The following ZNF678 variants were observed in gnomAD, a reference collection of about 807,000 sequenced individuals.
ZNF678 encodes hypothetical protein MGC42493.
Under a neutral mutation model 3.0 loss-of-function variants are expected in ZNF678, and 5 were observed. The ratio of observed to expected loss-of-function variants is 1.69; its 90% CI spans 0.88 to 3.56. The LOEUF (loss-of-function observed/expected upper bound fraction) is 3.56, where lower values mean the gene tolerates loss of function less well. Ranked by LOEUF, ZNF678 falls within the 30% of genes most tolerant of loss-of-function variation. The pLI is 0.00. For synonymous variants in ZNF678, 218 were observed against 199.6 expected (o/e 1.09, Z -0.78); for missense variants, 593 against 605.0 (o/e 0.98, Z 0.21).
At chr1:227,581,245 C>T (rs1311006424) in intron 1 of ZNF678, among the ~76,000 whole-genome samples, 1 of 151,576 alleles carries the variant, frequency 6.6e-6, no homozygotes, top group African/African-American at 2.4e-5. Context: ...TATAAATATA[C>T]ATAAGTTATA....
At chr1:227,633,339 A>G (rs1459364263) in intron 1 of ZNF678, among the ~76,000 whole-genome samples, 1 of 152,170 alleles carries the variant, frequency 6.6e-6, no homozygotes, top group Non-Finnish European at 1.5e-5. Context: ...TATCGCAATC[A>G]TTGTCCCTCT....
At chr1:227,635,201 A>C (rs1490871548) in intron 1 of ZNF678, among the ~76,000 whole-genome samples, 1 of 152,210 alleles carries the variant, frequency 6.6e-6, no homozygotes, top group African/African-American at 2.4e-5. Flanking sequence ...TTTCTTTGAA[A>C]TGTATGCACA....
At chr1:227,614,001 T>C (rs1008512823) in intron 1 of ZNF678, among the ~76,000 whole-genome samples, 3 of 152,210 alleles carry the variant, frequency 2.0e-5, no homozygotes, top group Admixed American at 2.0e-4. Flanking sequence ...GCTCCTGCTA[T>C]TGCTATCAGA....
intron 1 of ZNF678, among the ~76,000 whole-genome samples, chr1:227,632,559 A>G (rs1658573441): frequency 6.6e-6 from 1 of 152,044 alleles, no homozygotes; most frequent in African/African-American, 2.4e-5. Context: ...AATATTGTGA[A>G]AGTGGAAGCT....
chr1:227,574,302 A>T (rs10916168), intron 1 of ZNF678, among the ~76,000 whole-genome samples: 2 of 152,356 alleles, frequency 1.3e-5, no homozygotes, highest in African/African-American at 4.8e-5. Flanking sequence ...GTGTATAAGG[A>T]TCTTTTTCTC....
In ZNF678 at chr1:227,662,377, G is replaced by T. The variant is rs147189614; in HGVS notation, c.*6549G>T. 23 of 152,300 alleles carry T rather than the reference G, an allele frequency of 1.5e-4. No individual in the cohort carries two copies. In the East Asian group the frequency reaches 3.9e-3, roughly 26 times the overall value. The allele number at this position is 152,300 out of a possible 1,614,324, so 9.4% of individuals were successfully genotyped here. On this transcript the variant is annotated 3_prime_UTR_variant, in exon 4 of 4. Coordinates refer to ENST00000343776, the MANE Select transcript of ZNF678 (RefSeq NM_001367909.1). ...CTGTTTGCTGTCATGTGGAAGAAAA[G>T]AGCCTTGGAGAAGTTTTATTTTTTT...
At chr1:227,678,592 T>C (rs1191678101), downstream of ZNF678, among the ~76,000 whole-genome samples, 3 of 152,198 alleles carry the variant, frequency 2.0e-5, no homozygotes, top group Non-Finnish European at 4.4e-5. Flanking sequence ...TCTGGTGGTA[T>C]TGTGGGAAAT....
chr1:227,596,493 A>T (rs1268507490), intron 1 of ZNF678, among the ~76,000 whole-genome samples: 1 of 152,218 alleles, frequency 6.6e-6, no homozygotes, highest in Non-Finnish European at 1.5e-5. Context: ...TATAGATAAC[A>T]TAACCAGTTG....
chr1:227,630,860 CT>C (rs899937331), intron 1 of ZNF678, among the ~76,000 whole-genome samples: 5 of 152,258 alleles, frequency 3.3e-5, no homozygotes, highest in African/African-American at 1.2e-4. Context: ...ATAAATTACA[CT>C]TTTTACATAA....
chr1:227,586,527 C>T (rs180769383), intron 1 of ZNF678, among the ~76,000 whole-genome samples: 7 of 152,216 alleles, frequency 4.6e-5, no homozygotes, highest in Non-Finnish European at 8.8e-5. Context: ...AGGGCTTTAA[C>T]GGAGCACTTG....
intron 1 of ZNF678, among the ~76,000 whole-genome samples, chr1:227,596,140 T>C (rs1482395788): frequency 1.3e-5 from 2 of 152,170 alleles, no homozygotes; most frequent in African/African-American, 4.8e-5. Context: ...GGGAGCACTC[T>C]CAGGATCTGC....
chr1:227,645,366 T>G (rs1658928618), intron 1 of ZNF678, among the ~76,000 whole-genome samples: 1 of 152,216 alleles, frequency 6.6e-6, no homozygotes, highest in African/African-American at 2.4e-5. Context: ...TCTCCAGAAA[T>G]GTCATGTGTT....
chr1:227,661,443 G>A lies in ZNF678; in HGVS notation c.*5615G>A, dbSNP rs575478630. 1 of 152,182 alleles carries A rather than the reference G, an allele frequency of 6.6e-6. No individual in the cohort carries two copies. Among genetic ancestry groups the A allele is most frequent in the East Asian group, 1.9e-4 (1 of 5,176 alleles). The allele number at this position is 152,182 out of a possible 1,614,324, so 9.4% of individuals were successfully genotyped here. ...TTTGATATGCTTTTCCCAACAATAA[G>A]GGACATGAGTCATTGGGGCATGTTA... On this transcript the variant is annotated 3_prime_UTR_variant, in exon 4 of 4. Coordinates refer to ENST00000343776, the MANE Select transcript of ZNF678 (RefSeq NM_001367909.1).
intron 1 of ZNF678, among the ~76,000 whole-genome samples, chr1:227,622,330 C>G (rs1658301290): frequency 6.6e-6 from 1 of 152,314 alleles, no homozygotes; most frequent in Non-Finnish European, 1.5e-5. Context: ...TTTGTCAGCA[C>G]CCACATATTC....
At chr1:227,574,489 A>G (rs1019192613) in intron 1 of ZNF678, among the ~76,000 whole-genome samples, 2 of 151,456 alleles carry the variant, frequency 1.3e-5, no homozygotes, top group African/African-American at 2.4e-5. Context: ...GCGTCTGTTC[A>G]TTTCCTTTGC....
chr1:227,626,774 C>T (rs560162554), intron 1 of ZNF678, among the ~76,000 whole-genome samples: 59 of 152,086 alleles, frequency 3.9e-4, no homozygotes, highest in Non-Finnish European at 6.9e-4. Context: ...TTGTGGCCTC[C>T]GGGCTCAGTG....
intron 1 of ZNF678, among the ~76,000 whole-genome samples, chr1:227,645,551 T>A (rs1658934903): frequency 6.6e-6 from 1 of 152,234 alleles, no homozygotes; most frequent in African/African-American, 2.4e-5. Context: ...AAGCAATCTT[T>A]ACTATAAATT....
intron 1 of ZNF678, among the ~76,000 whole-genome samples, chr1:227,619,138 T>C (rs564398075): frequency 6.6e-6 from 1 of 152,276 alleles, no homozygotes; most frequent in Admixed American, 6.5e-5. Flanking sequence ...ACATGGGGAT[T>C]ACAACTTGAC....
intron 1 of ZNF678, among the ~76,000 whole-genome samples, chr1:227,571,893 T>C (rs1234292359): frequency 6.6e-6 from 1 of 152,088 alleles, no homozygotes; most frequent in Non-Finnish European, 1.5e-5. Context: ...ATACAAAAAA[T>C]TAGCTGGATG....
Sources: allele counts gnomAD v4.1 joint callset (sites outside exome capture counted in the v4.1 genomes callset), GRCh38; gene constraint gnomAD v4.1.1; transcripts MANE v1.5; gene names NCBI Gene and HGNC (gene_info 2026-07-23, HGNC 2026-07-21).